The following PPP3CA variants were observed in gnomAD, a reference collection of about 807,000 sequenced individuals.
PPP3CA encodes the protein CAM-PRP catalytic subunit.
PPP3CA carries 14 observed loss-of-function variants against 66.5 expected under a neutral mutation model. The observed-to-expected ratio is 0.21, with a 90% CI of 0.14 to 0.33. PPP3CA has a LOEUF of 0.33. Ranked by LOEUF, PPP3CA falls within the 10% of genes least tolerant of loss-of-function variation. The probability of loss-of-function intolerance (pLI) is 1.00; values close to 1 mark genes in which losing one functional copy is unlikely to be tolerated. For synonymous variants in PPP3CA, 232 were observed against 226.2 expected (o/e 1.03, Z -0.23); for missense variants, 317 against 639.5 (o/e 0.50, Z 5.44).
At chr4:101,322,705 T>G (rs1259428759) in intron 1 of PPP3CA, among the ~76,000 whole-genome samples, 1 of 152,166 alleles carries the variant, frequency 6.6e-6, no homozygotes, top group East Asian at 1.9e-4. Flanking sequence ...CCAACTGCAC[T>G]TGGCCTCTAC....
At chr4:101,045,669 G>A (rs1727733529) in intron 10 of PPP3CA, among the ~76,000 whole-genome samples, 1 of 152,198 alleles carries the variant, frequency 6.6e-6, no homozygotes, top group Non-Finnish European at 1.5e-5. Flanking sequence ...AGATGGTAGG[G>A]TGGGAAAGAA....
intron 2 of PPP3CA, among the ~76,000 whole-genome samples, chr4:101,113,025 TGATA>T (rs1213773933): frequency 2.0e-5 from 3 of 152,132 alleles, no homozygotes; most frequent in African/African-American, 2.4e-5. Context: ...CCCTTGTGAT[TGATA>T]GAGATTGACA....
At chr4:101,324,739 C>T (rs1265246532) in intron 1 of PPP3CA, among the ~76,000 whole-genome samples, 1 of 151,834 alleles carries the variant, frequency 6.6e-6, no homozygotes, top group Non-Finnish European at 1.5e-5. Flanking sequence ...TCATTCCCTA[C>T]TGCCAAGTGA....
chr4:101,221,825 A>C (rs1489014290), intron 1 of PPP3CA, among the ~76,000 whole-genome samples: 1 of 151,608 alleles, frequency 6.6e-6, no homozygotes, highest in Non-Finnish European at 1.5e-5. Context: ...CTGTTTCAAG[A>C]AACAAAATAC....
chr4:101,100,770 G>A (rs965746803), intron 3 of PPP3CA, among the ~76,000 whole-genome samples: 8 of 151,986 alleles, frequency 5.3e-5, no homozygotes, highest in Non-Finnish European at 5.9e-5. Flanking sequence ...GTCTAATTCT[G>A]GTTACTAAAA....
At chr4:101,208,854 A>G (rs1404415499) in intron 1 of PPP3CA, among the ~76,000 whole-genome samples, 1 of 152,184 alleles carries the variant, frequency 6.6e-6, no homozygotes, top group East Asian at 1.9e-4. Context: ...TTCATAATGA[A>G]ACAAAATATT....
Position 101,212,841 on chromosome 4 carries a change from T to TA in PPP3CA, c.59-16726dup, listed in dbSNP as rs750960171. Among the ~76,000 whole-genome samples the TA allele has an allele frequency of 1.1e-3, 167 of 149,794 alleles. 1 individual carries two copies. The East Asian group carries it at 0.028, about 25-fold the overall frequency. The stretch of plus-strand genomic sequence containing the variant: ...AATTCTGGTTTAATAGATGTTTTAT[T>TA]AAAAAAAAAATCTGGGTGGGCAGGA... On this transcript the variant is annotated intron_variant, in intron 1 of 13. Coordinates refer to ENST00000394854, the MANE Select transcript of PPP3CA (RefSeq NM_000944.5).
intron 1 of PPP3CA, among the ~76,000 whole-genome samples, chr4:101,220,504 G>T (rs184828808): frequency 1.3e-5 from 2 of 151,650 alleles, no homozygotes; most frequent in African/African-American, 4.8e-5. Context: ...CTCAGCTAGA[G>T]ATAAATGGAT....
chr4:101,102,850 G>A (rs1730508965), intron 3 of PPP3CA, among the ~76,000 whole-genome samples: 1 of 152,198 alleles, frequency 6.6e-6, no homozygotes, highest in Non-Finnish European at 1.5e-5. Flanking sequence ...AAAGGGCTGT[G>A]TTACACTGGC....
At chr4:101,027,270 A>G (rs1726701003) in intron 13 of PPP3CA, among the ~76,000 whole-genome samples, 2 of 152,158 alleles carry the variant, frequency 1.3e-5, no homozygotes, top group Admixed American at 6.5e-5. Flanking sequence ...GGGAAAAAAA[A>G]AAAAAGGAAA....
At chr4:101,027,751 G>A (rs1212390155) in intron 13 of PPP3CA, among the ~76,000 whole-genome samples, 1 of 152,000 alleles carries the variant, frequency 6.6e-6, no homozygotes, top group African/African-American at 2.4e-5. Flanking sequence ...GAAATTTCTA[G>A]GTTTTAAAAG....
At chr4:101,296,567 A>G (rs1305979892) in intron 1 of PPP3CA, among the ~76,000 whole-genome samples, 1 of 152,168 alleles carries the variant, frequency 6.6e-6, no homozygotes, top group African/African-American at 2.4e-5. Context: ...ATAAGTAATT[A>G]TAATATGTCC....
intron 2 of PPP3CA, among the ~76,000 whole-genome samples, chr4:101,145,547 T>C (rs796793493): frequency 1.8e-4 from 28 of 152,302 alleles, no homozygotes; most frequent in African/African-American, 6.7e-4. Flanking sequence ...ATATCACATA[T>C]TCTCACTTAT....
At chr4:101,262,136 C>G (rs1727029021) in intron 1 of PPP3CA, among the ~76,000 whole-genome samples, 1 of 151,880 alleles carries the variant, frequency 6.6e-6, no homozygotes, top group Non-Finnish European at 1.5e-5. Flanking sequence ...TTATTTTTTT[C>G]TTTAGCAAAA....
At chr4:101,227,192 AAACAC>A (rs1227777765) in intron 1 of PPP3CA, among the ~76,000 whole-genome samples, 8 of 151,912 alleles carry the variant, frequency 5.3e-5, no homozygotes, top group South Asian at 2.1e-4. Flanking sequence ...GAGAAACAGA[AAACAC>A]AACACAATTA....
chr4:101,208,621 T>C (rs1725211733), intron 1 of PPP3CA, among the ~76,000 whole-genome samples: 1 of 152,190 alleles, frequency 6.6e-6, no homozygotes, highest in Non-Finnish European at 1.5e-5. Flanking sequence ...GACAATACTC[T>C]CTGTTACAAA....
At chr4:101,211,470 T>C (rs1725296818) in intron 1 of PPP3CA, among the ~76,000 whole-genome samples, 1 of 152,236 alleles carries the variant, frequency 6.6e-6, no homozygotes, top group Admixed American at 6.6e-5. Context: ...AAGCACAGTT[T>C]GCTCCTTGAA....
intron 1 of PPP3CA, among the ~76,000 whole-genome samples, chr4:101,308,639 T>C (rs967060483): frequency 3.3e-5 from 5 of 152,004 alleles, no homozygotes; most frequent in Admixed American, 3.3e-4. Flanking sequence ...AGAGACAGGG[T>C]CTTGCTATGT....
intron 2 of PPP3CA, among the ~76,000 whole-genome samples, chr4:101,193,296 GT>G (rs1296802920): frequency 6.6e-6 from 1 of 152,118 alleles, no homozygotes; most frequent in Non-Finnish European, 1.5e-5. Context: ...TGGGGCCACA[GT>G]TTTTCAACGT....
Sources: gnomAD v4.1 joint callset for allele counts (sites outside exome capture counted in the v4.1 genomes callset) on GRCh38, gnomAD v4.1.1 for gene constraint, MANE v1.5 for transcripts, NCBI Gene and HGNC (gene_info 2026-07-23, HGNC 2026-07-21) for gene names.